USP40: variants seen among roughly 807,000 people sequenced by gnomAD.
The protein encoded by USP40 is ubiquitin carboxyl-terminal hydrolase 40.
Under a neutral mutation model 166.2 loss-of-function variants are expected in USP40, and 143 were observed. That is an observed-to-expected ratio of 0.86 (90% CI 0.75 to 0.99). The LOEUF is 0.99. Ranked by LOEUF, USP40 falls within the 50% of genes least tolerant of loss-of-function variation. The pLI is 0.00. For missense variants in USP40, 1,444 were observed against 1,479.7 expected, an observed-to-expected ratio of 0.98 and a Z score of 0.40; for synonymous variants, 498 against 524.0, an observed-to-expected ratio of 0.95 and a Z score of 0.68.
At chr2:233,560,817 T>G in intron 3 of USP40, 2 of 498,258 alleles carry the variant, frequency 4.0e-6, no homozygotes, top group South Asian at 4.1e-5. Context: ...TTGTGTGGGG[T>G]GGAGAGGTCG....
rs2064159109 is a variant in USP40 at position 233,475,868 on chromosome 2, A to G, written c.*1524T>C. 1 of 152,422 alleles carries G rather than the reference A, an allele frequency of 6.6e-6. No individual in the cohort carries two copies. Among genetic ancestry groups the G allele is most frequent in the Non-Finnish European group, 1.5e-5 (1 of 68,068 alleles). The allele number at this position is 152,422 out of a possible 1,614,324, so 9.4% of individuals were successfully genotyped here. ...ACAGCTTAAGAAGGGCTGGGCGCCC[A>G]GCTCGTCACGACACTTACAGCTCTG... On this transcript the variant is annotated 3_prime_UTR_variant, in exon 32 of 32. Coordinates refer to ENST00000678225, the MANE Select transcript of USP40 (RefSeq NM_001365479.2).
chr2:233,517,037 A>G (rs2067245661), intron 18 of USP40, among the ~76,000 whole-genome samples: 1 of 152,204 alleles, frequency 6.6e-6, no homozygotes, highest in African/African-American at 2.4e-5. Context: ...ATGCTATTAT[A>G]AATGTTTTCT....
rs1020965857 is a variant in USP40 at position 233,565,489 on chromosome 2, CT to C, written c.65del (p.Lys22ArgfsTer3). 3.3e-6 allele frequency: 5 copies of C among 1,537,064 alleles called. No homozygotes were observed. The African/African-American group carries it at 6.8e-5, about 21-fold the overall frequency. On this transcript the variant is annotated frameshift_variant, in exon 2 of 32. Transcript: ENST00000678225. LOFTEE classifies it high-confidence loss of function. ...GCTCCAAAGCTTTAGTCTTTAATTT[CT>C]TCCCTTTTCCATACTGATTATTAGA... ...TVSNNQYGKG[K>X]KLKTKALEPP...
chr2:233,480,757 G>A lies in USP40; in HGVS notation c.3599+446C>T, dbSNP rs146199423. ...GTAGCAGCCCTGAAGCCACAGCAGC[G>A]TCCCCTGGAGTGGCCAGGCTCTCGG... On this transcript the variant is annotated intron_variant, in intron 31 of 31. Transcript: ENST00000678225. The surrounding 1 kb of genome is among the most constrained non-coding windows in gnomAD (Gnocchi z 4.5). Among the ~76,000 whole-genome samples the A allele has an allele frequency of 1.9e-3, 295 of 152,314 alleles. 1 individual carries two copies. The highest frequency in any genetic ancestry group is 6.2e-3 in the African/African-American group (257 of 41,570).
At chr2:233,512,660 A>G (rs1276670191) in intron 18 of USP40, 38 bp from the exon 19 acceptor site, 13 of 1,243,352 alleles carry the variant, frequency 1.0e-5, no homozygotes, top group Non-Finnish European at 1.4e-5. Flanking sequence ...TTAGAGAGCT[A>G]GGAATTAATA....
chr2:233,478,432 A>G (rs1425337363), intron 31 of USP40, among the ~76,000 whole-genome samples: 1 of 152,126 alleles, frequency 6.6e-6, no homozygotes, highest in Non-Finnish European at 1.5e-5. Context: ...TGAATGGCTG[A>G]GCATATTTTT....
At chr2:233,510,178 T>A in intron 20 of USP40, 43 bp from the exon 21 acceptor site, 1 of 1,428,754 alleles carries the variant, frequency 7.0e-7, no homozygotes, top group Non-Finnish European at 9.6e-7. Flanking sequence ...AATCTGAATT[T>A]AAAAATCCAA....
intron 26 of USP40, 68 bp downstream of exon 26, chr2:233,491,099 G>T (rs1171011378): frequency 2.8e-6 from 3 of 1,086,670 alleles, no homozygotes; most frequent in East Asian, 2.6e-5. Context: ...GGAGATAGAA[G>T]AATATATTAA....
At chr2:233,526,379 C>T (rs1260753085) in intron 13 of USP40, among the ~76,000 whole-genome samples, 1 of 152,084 alleles carries the variant, frequency 6.6e-6, no homozygotes, top group Non-Finnish European at 1.5e-5. Context: ...ATTCCCACAT[C>T]TGCCTGTATC....
At chr2:233,481,037 G>T (rs2064547022) in intron 31 of USP40, among the ~76,000 whole-genome samples, 166 bp downstream of exon 31, 1 of 152,170 alleles carries the variant, frequency 6.6e-6, no homozygotes, top group Non-Finnish European at 1.5e-5. Context: ...GGCACTCAAG[G>T]AGAGGAAAGA....
rs897188267 is a variant in USP40, at chr2:233,566,711, C to A, written c.-47G>T. The A allele has an allele frequency of 3.0e-6, 3 of 985,954 alleles. No individual in the cohort carries two copies. In the South Asian group the frequency reaches 1.4e-4, roughly 46 times the overall value. 61.1% of individuals were successfully genotyped at this position (985,954 alleles called of 1,614,324 possible). On this transcript the variant is annotated 5_prime_UTR_variant, in exon 1 of 32. Coordinates refer to ENST00000678225, the MANE Select transcript of USP40 (RefSeq NM_001365479.2). Reference sequence around the variant, plus strand: ...CCTAAAGCCCAGACCCCCGCCCTGGCCAAAACGCGAAGCGAACGAACCCGC... The same window carrying A: ...CCTAAAGCCCAGACCCCCGCCCTGGACAAAACGCGAAGCGAACGAACCCGC...
At position 233,486,083 on chromosome 2, in the gene USP40, A is replaced by G; in HGVS notation, c.3198-106T>C. 4.0e-6 allele frequency: 5 copies of G among 1,252,324 alleles called. No individual in the cohort carries two copies. In the South Asian group the frequency reaches 5.7e-5, roughly 14 times the overall value. The allele number at this position is 1,252,324 out of a possible 1,614,324, so 77.6% of individuals were successfully genotyped here. On this transcript the variant is annotated intron_variant, in intron 28 of 31. Coordinates refer to ENST00000678225, the MANE Select transcript of USP40 (RefSeq NM_001365479.2). The surrounding 1 kb of genome is among the most constrained non-coding windows in gnomAD (Gnocchi z 4.0). The stretch of plus-strand genomic sequence containing the variant: ...TTCTCCTCCAGCTTTTCTGGTTTTT[A>G]TAAGGAGAGATTTTTCCCTAAATGC...
intron 23 of USP40, among the ~76,000 whole-genome samples, chr2:233,498,068 A>G (rs1267384164): frequency 6.6e-6 from 1 of 152,102 alleles, no homozygotes; most frequent in Middle Eastern, 3.2e-3. Flanking sequence ...CTAGATTCCA[A>G]CTCTCCTGTG....
At chr2:233,509,620 C>G (rs1240988733) in intron 21 of USP40, among the ~76,000 whole-genome samples, 2 of 151,972 alleles carry the variant, frequency 1.3e-5, no homozygotes, top group African/African-American at 4.8e-5. Context: ...GCGGGTGGAT[C>G]ACTCGAGGTC....
chr2:233,566,720 G>C lies in USP40; in HGVS notation c.-56C>G, dbSNP rs1261757422. ...CAGACCCCCGCCCTGGCCAAAACGC[G>C]AAGCGAACGAACCCGCCCCAACTGG... On this transcript the variant is annotated 5_prime_UTR_variant, in exon 1 of 32. Transcript: ENST00000678225. 2.0e-5 allele frequency: 20 copies of C among 985,900 alleles called. No individual in the cohort carries two copies. Among genetic ancestry groups the C allele is most frequent in the Non-Finnish European group, 2.4e-5 (20 of 830,040 alleles). The allele number at this position is 985,900 out of a possible 1,614,324, so 61.1% of individuals were successfully genotyped here.
At chr2:233,530,155 AT>A (rs2068398046) in intron 11 of USP40, among the ~76,000 whole-genome samples, 1 of 151,318 alleles carries the variant, frequency 6.6e-6, no homozygotes, top group Non-Finnish European at 1.5e-5. Flanking sequence ...AAATTCTGGA[AT>A]TTTTTTAAGT....
Position 233,498,397 on chromosome 2 carries a change from T to C in USP40, c.2715+151A>G, listed in dbSNP as rs185770823. On this transcript the variant is annotated intron_variant, in intron 23 of 31. Coordinates refer to ENST00000678225, the MANE Select transcript of USP40 (RefSeq NM_001365479.2). ...TGACTTCCCCTTTATCAAAAAACTATAGTAAGAAAAAAGTAAAATAGACCC... is the reference window on the plus strand; with the variant it reads ...TGACTTCCCCTTTATCAAAAAACTACAGTAAGAAAAAAGTAAAATAGACCC... The C allele has an allele frequency of 5.2e-5, 35 of 672,228 alleles. No homozygotes were observed. In the African/African-American group the frequency reaches 6.0e-4, roughly 12 times the overall value. The allele number at this position is 672,228 out of a possible 1,614,324, so 41.6% of individuals were successfully genotyped here. A position where few individuals can be genotyped will look rare whatever the true frequency, so the allele number is the denominator to read the frequency against.
rs200139615 is a variant in USP40 at position 233,561,105 on chromosome 2, TA to T, written c.268-1182del. On this transcript the variant is annotated intron_variant, in intron 3 of 31. Coordinates refer to ENST00000678225, the MANE Select transcript of USP40 (RefSeq NM_001365479.2). ...TGAACAAGCCACTTAATTCCTTCTT[TA>T]AAAAAAATTTTCTGAATACGCTAAA... is the stretch of plus-strand genomic sequence containing the variant. 64 of 1,536,702 alleles carry T rather than the reference TA, an allele frequency of 4.2e-5. No individual in the cohort carries two copies. In the African/African-American group the frequency reaches 7.6e-4, roughly 18 times the overall value.
chr2:233,526,779 T>C (rs191950650), intron 13 of USP40, among the ~76,000 whole-genome samples: 15 of 152,162 alleles, frequency 9.9e-5, no homozygotes, highest in Admixed American at 3.3e-4. Context: ...AGACATTGAG[T>C]CTCTTTAAAT....
Sources: gnomAD v4.1 joint callset for allele counts (sites outside exome capture counted in the v4.1 genomes callset) on GRCh38, gnomAD v4.1.1 for gene constraint, Gnocchi (gnomAD v3.1) non-coding constraint, MANE v1.5 for transcripts, NCBI Gene and HGNC (gene_info 2026-07-23, HGNC 2026-07-21) for gene names.